The following ATG10 variants were observed in gnomAD, a reference collection of about 807,000 sequenced individuals.
The protein encoded by ATG10 is autophagy related 10.
A neutral mutation model predicts 32.1 loss-of-function variants in ATG10; 30 were observed. The ratio of observed to expected loss-of-function variants is 0.94; its 90% CI spans 0.70 to 1.27. The LOEUF (loss-of-function observed/expected upper bound fraction) is 1.27, where lower values mean the gene tolerates loss of function less well. Ranked by LOEUF, ATG10 falls within the 50% of genes most tolerant of loss-of-function variation. The probability of loss-of-function intolerance (pLI) is 0.00; values close to 1 mark genes in which losing one functional copy is unlikely to be tolerated. For missense variants in ATG10, 233 were observed against 262.3 expected, an observed-to-expected ratio of 0.89 and a Z score of 0.77; for synonymous variants, 87 against 91.5, an observed-to-expected ratio of 0.95 and a Z score of 0.28.
At chr5:82,021,725 ACAAAATTAG>A (rs893083749) in intron 2 of ATG10, among the ~76,000 whole-genome samples, 5 of 152,088 alleles carry the variant, frequency 3.3e-5, no homozygotes, top group South Asian at 2.1e-4. Context: ...TACTAAAAAT[ACAAAATTAG>A]CTGGGCGTGG....
chr5:82,001,560 T>C (rs1246551609), intron 2 of ATG10, among the ~76,000 whole-genome samples: 1 of 152,176 alleles, frequency 6.6e-6, no homozygotes, highest in African/African-American at 2.4e-5. Flanking sequence ...AAGGACTCCC[T>C]ATTCAATAAA....
At chr5:82,015,843 C>G (rs1269760017) in intron 2 of ATG10, among the ~76,000 whole-genome samples, 1 of 152,218 alleles carries the variant, frequency 6.6e-6, no homozygotes, top group African/African-American at 2.4e-5. Context: ...AGTCATTCTC[C>G]GTCTAGCTTT....
intron 3 of ATG10, among the ~76,000 whole-genome samples, chr5:82,096,466 A>G (rs1228321829): frequency 6.6e-6 from 1 of 152,160 alleles, no homozygotes; most frequent in East Asian, 1.9e-4. Flanking sequence ...CATAGTATCA[A>G]TACTCCTTTG....
At position 82,139,979 on chromosome 5, in the gene ATG10, G is replaced by A. The variant is rs1443196988; in HGVS notation, c.217-24420G>A. The stretch of plus-strand genomic sequence containing the variant: ...CCGCCCGGCCAGCCGCCCCGTCAGG[G>A]AGGTGAGGGGCGCCTCTGCCCGGCC... On this transcript the variant is annotated intron_variant, in intron 3 of 7. Coordinates refer to ENST00000282185, the MANE Select transcript of ATG10 (RefSeq NM_031482.5). Among the ~76,000 whole-genome samples the A allele has an allele frequency of 6.0e-3, 784 of 131,038 alleles. 1 individual carries two copies. The highest frequency in any genetic ancestry group is 0.017 in the Middle Eastern group (3 of 174). 86.0% of individuals were successfully genotyped at this position (131,038 alleles called of 152,430 possible). A position where few individuals can be genotyped will look rare whatever the true frequency, so the allele number is the denominator to read the frequency against.
intron 2 of ATG10, among the ~76,000 whole-genome samples, chr5:82,047,346 A>G (rs1763264004): frequency 6.6e-6 from 1 of 152,218 alleles, no homozygotes; most frequent in African/African-American, 2.4e-5. Flanking sequence ...TAAAAAATGA[A>G]AGAGGGAAAA....
In ATG10 at chr5:82,082,157, G is replaced by A. The variant is rs375298184; in HGVS notation, c.216+23555G>A. Among the ~76,000 whole-genome samples, 53 of 152,174 alleles carry A rather than the reference G, an allele frequency of 3.5e-4. No homozygotes were observed. In the South Asian group the frequency reaches 0.011, roughly 30 times the overall value. On this transcript the variant is annotated intron_variant, in intron 3 of 7. Transcript: ENST00000282185. ...TACAATTCCAGATGAGATTTGGGGG[G>A]GGGGACACAGCCAAACCATTTCAGC...
At chr5:82,036,750 C>T (rs1180624239) in intron 2 of ATG10, among the ~76,000 whole-genome samples, 8 of 151,794 alleles carry the variant, frequency 5.3e-5, no homozygotes, top group Non-Finnish European at 8.8e-5. Flanking sequence ...GGATTTTTTC[C>T]GTATTCTACA....
chr5:82,029,713 A>C (rs958767290), intron 2 of ATG10, among the ~76,000 whole-genome samples: 5 of 152,248 alleles, frequency 3.3e-5, no homozygotes, highest in Non-Finnish European at 7.3e-5. Context: ...ATGTGGAAGA[A>C]TAAAGGCCTG....
chr5:81,975,972 T>C (rs540596824), intron 1 of ATG10, among the ~76,000 whole-genome samples: 1 of 151,568 alleles, frequency 6.6e-6, no homozygotes, highest in Non-Finnish European at 1.5e-5. Context: ...ACTGTGAATG[T>C]TGTAGAGTTA....
chr5:82,115,620 A>AT (rs879706856), intron 3 of ATG10, among the ~76,000 whole-genome samples: 3 of 152,052 alleles, frequency 2.0e-5, no homozygotes, highest in African/African-American at 7.2e-5. Context: ...AGTTTAATCA[A>AT]TTTTTTTGTA....
intron 5 of ATG10, among the ~76,000 whole-genome samples, chr5:82,223,824 ATT>A (rs1462084805): frequency 6.6e-6 from 1 of 152,184 alleles, no homozygotes; most frequent in East Asian, 1.9e-4. Context: ...TTCTAGAAAG[ATT>A]TGAGAATGAG....
At chr5:82,002,477 A>T (rs1357620653) in intron 2 of ATG10, among the ~76,000 whole-genome samples, 1 of 152,210 alleles carries the variant, frequency 6.6e-6, no homozygotes, top group Admixed American at 6.5e-5. Context: ...AAAGAAAAAG[A>T]TCATGTCTTT....
rs1271639616 is a variant in ATG10 at position 82,044,201 on chromosome 5, C to CT, written c.109-14292dup. Among the ~76,000 whole-genome samples the CT allele has an allele frequency of 5.3e-5, 8 of 152,160 alleles. No individual in the cohort carries two copies. The South Asian group carries it at 1.7e-3, about 32-fold the overall frequency. ...GAAGGTGAAAGGGAAGCAGGCACAT[C>CT]TTCACAATGACAGAGCAGGAGAGAG... On this transcript the variant is annotated intron_variant, in intron 2 of 7. Transcript: ENST00000282185.
intron 3 of ATG10, among the ~76,000 whole-genome samples, chr5:82,101,368 C>T (rs772154067): frequency 2.8e-4 from 43 of 152,112 alleles, no homozygotes; most frequent in Non-Finnish European, 5.1e-4. Context: ...AGGAAGGGCA[C>T]GCCTTCTCTT....
At chr5:81,990,511 G>A (rs1423591025) in intron 2 of ATG10, among the ~76,000 whole-genome samples, 2 of 152,160 alleles carry the variant, frequency 1.3e-5, no homozygotes, top group Non-Finnish European at 2.9e-5. Context: ...GGGAAATTCT[G>A]TCTGTCAGAA....
At chr5:82,138,252 G>T (rs934308713) in intron 3 of ATG10, among the ~76,000 whole-genome samples, 12 of 152,076 alleles carry the variant, frequency 7.9e-5, no homozygotes, top group African/African-American at 2.7e-4. Flanking sequence ...TCTCACTGGT[G>T]TTCCAGGAGC....
chr5:81,980,647 T>G (rs1042088112), intron 1 of ATG10, among the ~76,000 whole-genome samples: 3 of 142,794 alleles, frequency 2.1e-5, no homozygotes, highest in Admixed American at 1.4e-4. Flanking sequence ...TAATTTATAG[T>G]TTTTTTTTTT....
chr5:82,139,652 C>A (rs1766969736), intron 3 of ATG10, among the ~76,000 whole-genome samples: 1 of 147,218 alleles, frequency 6.8e-6, no homozygotes, highest in Non-Finnish European at 1.5e-5. Flanking sequence ...CCAGCAGCCA[C>A]CCCATCTGGG....
At chr5:82,165,720 T>G (rs1287816985) in intron 4 of ATG10, among the ~76,000 whole-genome samples, 1 of 152,214 alleles carries the variant, frequency 6.6e-6, no homozygotes, top group Non-Finnish European at 1.5e-5. Flanking sequence ...TAATTATATT[T>G]GGTTTGGAGC....
Sources: allele counts gnomAD v4.1 joint callset (sites outside exome capture counted in the v4.1 genomes callset), GRCh38; gene constraint gnomAD v4.1.1; transcripts MANE v1.5; gene names NCBI Gene and HGNC (gene_info 2026-07-23, HGNC 2026-07-21).